STON1: variants seen among roughly 807,000 people sequenced by gnomAD.
STON1 encodes the protein stonin 1, also known as stonin-1.
A neutral mutation model predicts 60.9 loss-of-function variants in STON1; 79 were observed. The ratio of observed to expected loss-of-function variants is 1.30; its 90% CI spans 1.08 to 1.56. STON1 has a LOEUF of 1.56. Ranked by LOEUF, STON1 falls within the 40% of genes most tolerant of loss-of-function variation. The probability of loss-of-function intolerance (pLI) is 0.00; values close to 1 mark genes in which losing one functional copy is unlikely to be tolerated. For synonymous variants in STON1, 363 were observed against 306.9 expected (o/e 1.18, Z -1.91); for missense variants, 1,166 against 858.9 (o/e 1.36, Z -4.47).
At position 48,533,623 on chromosome 2, in the gene STON1, C is replaced by T. The variant is rs575154664; in HGVS notation, c.-48+3407C>T. Among the ~76,000 whole-genome samples the T allele has an allele frequency of 2.5e-3, 332 of 135,106 alleles. 1 individual carries two copies. Among genetic ancestry groups the T allele is most frequent in the African/African-American group, 8.8e-3 (312 of 35,532 alleles). 88.6% of individuals were successfully genotyped at this position (135,106 alleles called of 152,430 possible). ...GTTGCAGGGAGCCAAGATTGTGCCA[C>T]TGCACTGGAGCCTGGGCAACAAGAG... On this transcript the variant is annotated intron_variant, in intron 1 of 3. Transcript: ENST00000404752.
intron 1 of STON1, among the ~76,000 whole-genome samples, chr2:48,578,000 A>C (rs1472031708): frequency 6.7e-6 from 1 of 149,478 alleles, no homozygotes; most frequent in Non-Finnish European, 1.5e-5. Flanking sequence ...TTTTTTTTTG[A>C]GACGGAGTTT....
intron 1 of STON1, 62 bp from the exon 2 acceptor site, chr2:48,580,525 T>C: frequency 7.8e-7 from 1 of 1,287,862 alleles, no homozygotes; most frequent in Admixed American, 3.1e-5. Flanking sequence ...TAAAGACATT[T>C]AGTAATGATT....
At chr2:48,594,730 G>T (rs918703266) in intron 3 of STON1, among the ~76,000 whole-genome samples, 2 of 152,118 alleles carry the variant, frequency 1.3e-5, no homozygotes, top group African/African-American at 4.8e-5. Context: ...AGAGCAGATG[G>T]TTTACTATTA....
chr2:48,582,295 G>A lies in STON1; in HGVS notation c.1662G>A (p.Gln554=), dbSNP rs1461474242. 1 of 1,614,230 alleles carries A rather than the reference G, an allele frequency of 6.2e-7. No individual in the cohort carries two copies. Among genetic ancestry groups the A allele is most frequent in the African/African-American group, 1.3e-5 (1 of 75,068 alleles). ...TTGTCAACATGGCCTCATTGGCGCA[G>A]AGGTCATCCTATGCTGGTTCCTTAA... The part of the protein sequence containing the change: ...QAFVNMASLA[Q]RSSYAGSLRS... The change falls in exon 2 of 4, where the codon CAG becomes CAA. Residue 554 remains glutamine, a synonymous_variant. Transcript: ENST00000404752.
At chr2:48,567,254 G>A (rs1672987968) in intron 1 of STON1, among the ~76,000 whole-genome samples, 1 of 152,178 alleles carries the variant, frequency 6.6e-6, no homozygotes, top group Non-Finnish European at 1.5e-5. Flanking sequence ...TAATAATATG[G>A]TTCATGCAGC....
intron 1 of STON1, among the ~76,000 whole-genome samples, chr2:48,555,296 G>C (rs1431461531): frequency 1.2e-5 from 1 of 85,692 alleles, no homozygotes; most frequent in Non-Finnish European, 2.4e-5. Flanking sequence ...CCTCCCGGAC[G>C]GGGCGGCTGG....
At chr2:48,560,560 G>A (rs1672567008) in intron 1 of STON1, among the ~76,000 whole-genome samples, 2 of 152,206 alleles carry the variant, frequency 1.3e-5, no homozygotes, top group African/African-American at 4.8e-5. Flanking sequence ...CCTTCTGAAG[G>A]CCAGGGGTGG....
chr2:48,537,889 T>C (rs974806342), intron 1 of STON1, among the ~76,000 whole-genome samples: 1 of 149,674 alleles, frequency 6.7e-6, no homozygotes, highest in African/African-American at 2.5e-5. Flanking sequence ...AAAAAGGAAA[T>C]TGTTCTTATA....
intron 1 of STON1, among the ~76,000 whole-genome samples, chr2:48,532,174 C>T (rs1431089705): frequency 6.6e-6 from 1 of 151,814 alleles, no homozygotes; most frequent in Non-Finnish European, 1.5e-5. Flanking sequence ...CTGATGAAAC[C>T]CCGTCTCTAT....
At chr2:48,549,255 G>A (rs1023137758) in intron 1 of STON1, among the ~76,000 whole-genome samples, 3 of 152,154 alleles carry the variant, frequency 2.0e-5, no homozygotes, top group South Asian at 4.1e-4. Context: ...ATTTTTCAAA[G>A]AAACTTTCAA....
rs1188415816 is a variant in STON1, at chr2:48,584,598, C to G, written c.1930+2035C>G. On this transcript the variant is annotated intron_variant, in intron 2 of 3. Coordinates refer to ENST00000404752, the MANE Select transcript of STON1 (RefSeq NM_006873.4). ...TGACTATATTAGAATAACTTGAAAGCTTTTAAATCATCTCAATGTTTAGGT... is the reference window on the plus strand; with the variant it reads ...TGACTATATTAGAATAACTTGAAAGGTTTTAAATCATCTCAATGTTTAGGT... Among the ~76,000 whole-genome samples, 7 of 134,852 alleles carry G rather than the reference C, an allele frequency of 5.2e-5. No homozygotes were observed. In the South Asian group the frequency reaches 1.3e-3, roughly 24 times the overall value. The allele number at this position is 134,852 out of a possible 152,430, so 88.5% of individuals were successfully genotyped here.
intron 1 of STON1, among the ~76,000 whole-genome samples, chr2:48,554,578 G>A (rs1672233289): frequency 6.6e-6 from 1 of 152,226 alleles, no homozygotes; most frequent in South Asian, 2.1e-4. Context: ...GCCTGCCAGG[G>A]GCTCAAGCAC....
chr2:48,581,063 C>T lies in STON1; in HGVS notation c.430C>T (p.His144Tyr), dbSNP rs753975633. The change falls in exon 2 of 4, where the codon CAT becomes TAT. Residue 144 changes from histidine to tyrosine, a missense_variant. Physicochemically the swap from His to Tyr is moderately conservative, Grantham distance 83. Coordinates refer to ENST00000404752, the MANE Select transcript of STON1 (RefSeq NM_006873.4). Reference protein sequence around the residue: ...ALLPSDHSCTHPTPKVGLPDE... With the variant: ...ALLPSDHSCTYPTPKVGLPDE... Reference sequence around the variant, plus strand: ...GTTACCCAGTGACCACTCATGTACACATCCAACTCCCAAAGTAGGTCTTCC... The same window carrying T: ...GTTACCCAGTGACCACTCATGTACATATCCAACTCCCAAAGTAGGTCTTCC... 2 of 1,595,618 alleles carry T rather than the reference C, an allele frequency of 1.3e-6. No homozygotes were observed. Among genetic ancestry groups the T allele is most frequent in the African/African-American group, 1.3e-5 (1 of 74,458 alleles).
At chr2:48,576,185 CTTTT>C (rs34849002) in intron 1 of STON1, among the ~76,000 whole-genome samples, 157 of 63,064 alleles carry the variant, frequency 2.5e-3, no homozygotes, top group Non-Finnish European at 3.7e-3. Context: ...GTTTTCCTTT[CTTTT>C]TTTTTTTTTT....
intron 2 of STON1, among the ~76,000 whole-genome samples, chr2:48,585,394 C>T (rs971571278): frequency 7.9e-5 from 12 of 151,972 alleles, no homozygotes; most frequent in East Asian, 1.9e-4. Flanking sequence ...ATTACAGGCC[C>T]GCACCACCAC....
intron 1 of STON1, among the ~76,000 whole-genome samples, chr2:48,555,282 C>G (rs1265723269): frequency 3.0e-5 from 3 of 98,368 alleles, no homozygotes; most frequent in Admixed American, 9.9e-5. Flanking sequence ...AGAGGCGCCC[C>G]TCACCTCCCG....
intron 1 of STON1, among the ~76,000 whole-genome samples, chr2:48,567,526 C>G (rs924336701): frequency 1.3e-5 from 2 of 152,206 alleles, no homozygotes; most frequent in Non-Finnish European, 2.9e-5. Context: ...ATTCTCCTGC[C>G]TCAGCCTCCT....
At chr2:48,587,740 A>C (rs1185580863) in intron 2 of STON1, among the ~76,000 whole-genome samples, 5 of 152,228 alleles carry the variant, frequency 3.3e-5, no homozygotes, top group Non-Finnish European at 7.3e-5. Context: ...AACATTTTAC[A>C]GGCATTTCAG....
intron 1 of STON1, chr2:48,530,593 G>C (rs2103715077): frequency 6.5e-6 from 1 of 153,934 alleles, no homozygotes; most frequent in Admixed American, 6.5e-5. Context: ...CGGGCCACCA[G>C]CTCTGCGCCC....
Sources: gnomAD v4.1 joint callset for allele counts (sites outside exome capture counted in the v4.1 genomes callset) on GRCh38, gnomAD v4.1.1 for gene constraint, MANE v1.5 for transcripts, NCBI Gene and HGNC (gene_info 2026-07-23, HGNC 2026-07-21) for gene names.